Variants in ADGRB3 observed in about 807,000 individuals in gnomAD.
The protein encoded by ADGRB3 is adhesion G protein-coupled receptor B3.
Under a neutral mutation model 193.4 loss-of-function variants are expected in ADGRB3, and 37 were observed. The observed-to-expected ratio is 0.19, with a 90% CI of 0.15 to 0.25. The LOEUF is 0.25. ADGRB3 is among the 10% of genes least tolerant of loss of function. The probability of loss-of-function intolerance (pLI) is 1.00; values close to 1 mark genes in which losing one functional copy is unlikely to be tolerated. For missense variants in ADGRB3, 1,637 were observed against 1,852.9 expected (o/e 0.88, Z 2.14); for synonymous variants, 690 against 644.2 (o/e 1.07, Z -1.08).
intron 3 of ADGRB3, among the ~76,000 whole-genome samples, chr6:68,759,011 G>A (rs984980636): frequency 6.6e-6 from 1 of 152,092 alleles, no homozygotes; most frequent in Non-Finnish European, 1.5e-5. Flanking sequence ...TCCAGAATAC[G>A]AAATGGTAGG....
At chr6:69,272,689 A>G (rs1044136486) in intron 20 of ADGRB3, among the ~76,000 whole-genome samples, 7 of 152,202 alleles carry the variant, frequency 4.6e-5, no homozygotes, top group Admixed American at 2.6e-4. Flanking sequence ...AGGAGAGATT[A>G]GGGATAGAGA....
intron 3 of ADGRB3, among the ~76,000 whole-genome samples, chr6:68,809,245 T>C (rs1767465529): frequency 6.6e-6 from 1 of 152,218 alleles, no homozygotes; most frequent in African/African-American, 2.4e-5. Context: ...CATTTGTTTT[T>C]CTTACAGAGT....
intron 17 of ADGRB3, among the ~76,000 whole-genome samples, chr6:69,175,909 T>G (rs1474754615): frequency 6.6e-6 from 1 of 152,188 alleles, no homozygotes; most frequent in Non-Finnish European, 1.5e-5. Flanking sequence ...TAAATGGGAT[T>G]GCATTCTTGA....
chr6:68,835,212 G>C (rs999408441), intron 3 of ADGRB3, among the ~76,000 whole-genome samples: 1 of 151,984 alleles, frequency 6.6e-6, no homozygotes, highest in African/African-American at 2.4e-5. Context: ...CCATATATTC[G>C]CTGCATTCTG....
chr6:68,704,038 T>G (rs372582111), intron 3 of ADGRB3, among the ~76,000 whole-genome samples: 22 of 152,326 alleles, frequency 1.4e-4, no homozygotes, highest in African/African-American at 4.6e-4. Flanking sequence ...GTTGTCAATA[T>G]ATTAGTCCCT....
intron 3 of ADGRB3, among the ~76,000 whole-genome samples, chr6:68,719,546 T>C (rs1765540259): frequency 6.6e-6 from 1 of 151,764 alleles, no homozygotes; most frequent in Non-Finnish European, 1.5e-5. Flanking sequence ...GATGCCTCTG[T>C]TTAATTAACA....
intron 20 of ADGRB3, among the ~76,000 whole-genome samples, chr6:69,245,873 A>G (rs1450930265): frequency 6.6e-6 from 1 of 152,172 alleles, no homozygotes; most frequent in Non-Finnish European, 1.5e-5. Flanking sequence ...TCTTGCAAGC[A>G]CATTGTCTAT....
intron 3 of ADGRB3, among the ~76,000 whole-genome samples, chr6:68,864,686 A>G (rs1409963741): frequency 6.6e-6 from 1 of 152,160 alleles, no homozygotes; most frequent in Non-Finnish European, 1.5e-5. Flanking sequence ...GAAAATAGCT[A>G]ATTGTGTGAA....
At chr6:68,777,668 T>TAAAAAAA (rs561834409) in intron 3 of ADGRB3, among the ~76,000 whole-genome samples, 1 of 78,078 alleles carries the variant, frequency 1.3e-5, no homozygotes, top group African/African-American at 4.1e-5. Flanking sequence ...CTCTGGGATC[T>TAAAAAAA]AAAAAAAAAA....
chr6:69,019,301 C>A (rs950820484), intron 13 of ADGRB3, among the ~76,000 whole-genome samples: 1 of 151,916 alleles, frequency 6.6e-6, no homozygotes, highest in East Asian at 1.9e-4. Flanking sequence ...ACCACTGAAC[C>A]ATAGATAGAA....
Position 68,638,753 on chromosome 6 carries a change from A to G in ADGRB3, c.78A>G (p.Gln26=), listed in dbSNP as rs186056944. ...LLVMFGFNAA[Q]DFWCSTLVKG... ...TTATGTTTGGATTTAATGCTGCCCAAGACTTCTGGTGTTCAACTTTGGTGA... is the reference window on the plus strand; with the variant it reads ...TTATGTTTGGATTTAATGCTGCCCAGGACTTCTGGTGTTCAACTTTGGTGA... Residue 26 remains glutamine, a synonymous_variant, in exon 3 of 32, where the codon CAA becomes CAG. Coordinates refer to ENST00000370598, the MANE Select transcript of ADGRB3 (RefSeq NM_001704.3). 17 of 1,614,162 alleles carry G rather than the reference A, an allele frequency of 1.1e-5. No individual in the cohort carries two copies. Among genetic ancestry groups the G allele is most frequent in the Admixed American group, 5.0e-5 (3 of 60,028 alleles).
intron 21 of ADGRB3, among the ~76,000 whole-genome samples, chr6:69,326,541 T>C (rs1768573421): frequency 6.6e-6 from 1 of 152,122 alleles, no homozygotes; most frequent in Non-Finnish European, 1.5e-5. Flanking sequence ...TAAACTACTC[T>C]AGGTAGCAAA....
intron 3 of ADGRB3, among the ~76,000 whole-genome samples, chr6:68,895,627 A>G (rs1411883188): frequency 6.6e-6 from 1 of 152,046 alleles, no homozygotes; most frequent in Non-Finnish European, 1.5e-5. Context: ...GTGAGGGATT[A>G]CTGTATTATA....
chr6:69,240,617 A>G (rs529492487), intron 20 of ADGRB3, among the ~76,000 whole-genome samples: 1 of 152,112 alleles, frequency 6.6e-6, no homozygotes, highest in African/African-American at 2.4e-5. Context: ...GACCAACAGA[A>G]TAAAAAATGA....
intron 17 of ADGRB3, among the ~76,000 whole-genome samples, chr6:69,082,283 A>G (rs1455176847): frequency 1.3e-5 from 2 of 152,078 alleles, no homozygotes; most frequent in Non-Finnish European, 1.5e-5. Flanking sequence ...GAAGTAAATG[A>G]ATGAAATATT....
Position 69,388,714 on chromosome 6 carries a change from A to G in ADGRB3, c.4392A>G (p.Ala1464=), listed in dbSNP as rs748751767. 6.2e-7 allele frequency: 1 copy of G among 1,612,874 alleles called. No homozygotes were observed. The highest frequency in any genetic ancestry group is 1.3e-5 in the African/African-American group (1 of 74,846). Residue 1464 remains alanine (A), a synonymous_variant, in exon 32 of 32, where the codon GCA becomes GCG. Coordinates refer to ENST00000370598, the MANE Select transcript of ADGRB3 (RefSeq NM_001704.3). ...TCTCTTCTCAACAGGAAAACCCCGC[A>G]CCAAACAAGAATCCATGGGACACTT... ...IPNTSSMENP[A]PNKNPWDTFK...
intron 3 of ADGRB3, among the ~76,000 whole-genome samples, chr6:68,655,027 A>T (rs1456675803): frequency 2.0e-5 from 3 of 151,522 alleles, no homozygotes. Flanking sequence ...AGGAAGTCAC[A>T]TATATTATGT....
intron 20 of ADGRB3, among the ~76,000 whole-genome samples, chr6:69,249,897 T>TAAGATGTATGAAATTC (rs1766584962): frequency 1.3e-5 from 2 of 152,236 alleles, no homozygotes; most frequent in East Asian, 1.9e-4. Flanking sequence ...CTATGAAATT[T>TAAGATGTATGAAATTC]AAGATGTATG....
intron 6 of ADGRB3, among the ~76,000 whole-genome samples, chr6:68,947,661 CATCTA>C (rs1298782000): frequency 6.6e-6 from 1 of 152,064 alleles, no homozygotes; most frequent in East Asian, 1.9e-4. Flanking sequence ...TTGTGTCACT[CATCTA>C]ATCTTCAGTT....
Sources: gnomAD v4.1 joint callset for allele counts (sites outside exome capture counted in the v4.1 genomes callset) on GRCh38, gnomAD v4.1.1 for gene constraint, MANE v1.5 for transcripts, NCBI Gene and HGNC (gene_info 2026-07-23, HGNC 2026-07-21) for gene names.